The following POU6F2 variants were observed in gnomAD, a reference collection of about 807,000 sequenced individuals.
POU6F2 encodes the protein POU class 6 homeobox 2.
A neutral mutation model predicts 71.3 loss-of-function variants in POU6F2; 31 were observed. The observed-to-expected ratio is 0.43, with a 90% CI of 0.33 to 0.59. POU6F2 has a LOEUF of 0.59. POU6F2 is among the 20% of genes least tolerant of loss of function. The pLI, the probability that POU6F2 is intolerant of heterozygous loss-of-function variation, is 0.04. For missense variants in POU6F2, 783 were observed against 856.8 expected (o/e 0.91, Z 1.07); for synonymous variants, 347 against 355.7 (o/e 0.98, Z 0.27).
intron 6 of POU6F2, among the ~76,000 whole-genome samples, chr7:39,418,882 T>C (rs901664757): frequency 4.0e-5 from 6 of 149,308 alleles, no homozygotes; most frequent in South Asian, 4.2e-4. Flanking sequence ...TTCATAAATA[T>C]AGTGCTCTCT....
At chr7:39,206,269 A>C (rs1794010302) in intron 3 of POU6F2, among the ~76,000 whole-genome samples, 1 of 152,206 alleles carries the variant, frequency 6.6e-6, no homozygotes, top group African/African-American at 2.4e-5. Context: ...TCTTGTGGTC[A>C]TCTGGCTTGA....
At chr7:39,368,930 G>A (rs575266009) in intron 5 of POU6F2, among the ~76,000 whole-genome samples, 1 of 152,170 alleles carries the variant, frequency 6.6e-6, no homozygotes, top group Non-Finnish European at 1.5e-5. Context: ...CTTCAGTGAA[G>A]GAAGGAACTG....
intron 4 of POU6F2, among the ~76,000 whole-genome samples, chr7:39,278,109 GGGGGAGGGAGGGAGGA>G (rs1241537421): frequency 1.3e-3 from 63 of 47,800 alleles, no homozygotes; most frequent in East Asian, 7.0e-3. Context: ...GGGAGGGAGG[GGGGGAGGGAGGGAGGA>G]AGGAATCAAA....
At chr7:39,308,743 C>T (rs564771694) in intron 4 of POU6F2, among the ~76,000 whole-genome samples, 4 of 152,300 alleles carry the variant, frequency 2.6e-5, no homozygotes, top group Non-Finnish European at 4.4e-5. Context: ...GTATTCTGCT[C>T]CACTAAGCCA....
chr7:39,184,802 TTGTC>T (rs898458928), intron 2 of POU6F2, among the ~76,000 whole-genome samples: 2 of 152,192 alleles, frequency 1.3e-5, no homozygotes, highest in African/African-American at 4.8e-5. Flanking sequence ...CTTTTTCCCT[TTGTC>T]TGCCACCTCC....
chr7:38,999,787 T>A (rs1181384172), intron 1 of POU6F2, among the ~76,000 whole-genome samples: 1 of 152,206 alleles, frequency 6.6e-6, no homozygotes, highest in Non-Finnish European at 1.5e-5. Context: ...AGCCCACTTT[T>A]AGATTTATTA....
intron 1 of POU6F2, chr7:39,034,528 T>C: frequency 2.4e-6 from 1 of 416,526 alleles, no homozygotes; most frequent in South Asian, 1.7e-5. Flanking sequence ...ATAATGCACA[T>C]AAAGTCGGGG....
intron 2 of POU6F2, among the ~76,000 whole-genome samples, chr7:39,149,938 T>A (rs964027378): frequency 6.7e-6 from 1 of 148,992 alleles, no homozygotes; most frequent in Non-Finnish European, 1.5e-5. Flanking sequence ...CAGGCTGGAG[T>A]GCAGTGGCAC....
chr7:39,221,803 C>A (rs1019583918), intron 4 of POU6F2, among the ~76,000 whole-genome samples: 1 of 152,084 alleles, frequency 6.6e-6, no homozygotes, highest in Non-Finnish European at 1.5e-5. Flanking sequence ...GCAAGAAGGA[C>A]AAAATGTTAG....
intron 4 of POU6F2, among the ~76,000 whole-genome samples, chr7:39,266,083 G>C (rs969349354): frequency 1.3e-5 from 2 of 152,160 alleles, no homozygotes; most frequent in Non-Finnish European, 2.9e-5. Flanking sequence ...TCACCCACTG[G>C]GAGGGAAGCA....
chr7:39,189,573 A>T (rs1793618009), intron 2 of POU6F2, among the ~76,000 whole-genome samples: 1 of 150,728 alleles, frequency 6.6e-6, no homozygotes, highest in African/African-American at 2.4e-5. Flanking sequence ...TAATTTTTAA[A>T]GATATTTTTA....
intron 4 of POU6F2, among the ~76,000 whole-genome samples, chr7:39,286,880 G>A (rs1319487663): frequency 6.6e-6 from 1 of 151,532 alleles, no homozygotes; most frequent in Non-Finnish European, 1.5e-5. Context: ...CTCCCACCTC[G>A]TCCTCCCAAA....
chr7:39,271,780 A>G (rs1784344713), intron 4 of POU6F2, among the ~76,000 whole-genome samples: 1 of 152,222 alleles, frequency 6.6e-6, no homozygotes, highest in African/African-American at 2.4e-5. Flanking sequence ...TGAGGATGAG[A>G]CATCCAGGAG....
chr7:39,244,252 G>C (rs1245973690), intron 4 of POU6F2, among the ~76,000 whole-genome samples: 3 of 152,064 alleles, frequency 2.0e-5, no homozygotes, highest in Non-Finnish European at 1.5e-5. Context: ...CATATTTTAA[G>C]GTGCTTCTAA....
intron 4 of POU6F2, among the ~76,000 whole-genome samples, chr7:39,248,872 G>A (rs985799169): frequency 2.0e-5 from 3 of 152,142 alleles, no homozygotes; most frequent in Admixed American, 1.3e-4. Flanking sequence ...CTTGCTCAGT[G>A]GTTTTCAGAG....
chr7:39,263,997 G>C (rs1446966844), intron 4 of POU6F2, among the ~76,000 whole-genome samples: 2 of 152,186 alleles, frequency 1.3e-5, no homozygotes, highest in Non-Finnish European at 2.9e-5. Flanking sequence ...ATGTCAACTT[G>C]CTAATTTTCT....
intron 6 of POU6F2, among the ~76,000 whole-genome samples, chr7:39,407,675 A>T (rs943344176): frequency 5.9e-5 from 9 of 151,622 alleles, no homozygotes. Flanking sequence ...GTGTTTGCAT[A>T]CTCCCTGCTT....
At chr7:39,242,338 C>T (rs1330306867) in intron 4 of POU6F2, among the ~76,000 whole-genome samples, 2 of 151,632 alleles carry the variant, frequency 1.3e-5, no homozygotes, top group Admixed American at 6.6e-5. Flanking sequence ...ATTCTAGTTC[C>T]TCCACATCCT....
At chr7:39,068,612 GA>G (rs1351871484) in intron 1 of POU6F2, among the ~76,000 whole-genome samples, 5 of 151,966 alleles carry the variant, frequency 3.3e-5, no homozygotes, top group Non-Finnish European at 7.4e-5. Flanking sequence ...GAGCAATTTT[GA>G]AAGGTTAAAT....
Sources: gnomAD v4.1 joint callset for allele counts (sites outside exome capture counted in the v4.1 genomes callset) on GRCh38, gnomAD v4.1.1 for gene constraint, MANE v1.5 for transcripts, NCBI Gene and HGNC (gene_info 2026-07-23, HGNC 2026-07-21) for gene names.